SYNDIG1: variants seen among roughly 807,000 people sequenced by gnomAD.
SYNDIG1 encodes the protein synapse differentiation inducing 1.
In SYNDIG1, 9 loss-of-function variants were observed where a neutral mutation model predicts 19.4. The observed-to-expected ratio is 0.46, with a 90% confidence interval of 0.28 to 0.81. The LOEUF (loss-of-function observed/expected upper bound fraction) is 0.81. Among genes scored for constraint, SYNDIG1 ranks in the 30% least tolerant of loss-of-function variants. The pLI is 0.12. For missense variants in SYNDIG1, 311 were observed against 343.3 expected, an observed-to-expected ratio of 0.91 and a Z score of 0.74; for synonymous variants, 141 against 145.9, an observed-to-expected ratio of 0.97 and a Z score of 0.24.
intron 1 of SYNDIG1, among the ~76,000 whole-genome samples, chr20:24,504,200 C>T (rs1028675163): frequency 2.6e-5 from 4 of 152,122 alleles, no homozygotes; most frequent in East Asian, 1.9e-4. Context: ...CCTCGTGATC[C>T]GCCCGCCTCG....
intron 3 of SYNDIG1, among the ~76,000 whole-genome samples, chr20:24,625,575 A>C (rs993434491): frequency 6.6e-6 from 1 of 151,938 alleles, no homozygotes; most frequent in African/African-American, 2.4e-5. Context: ...CTTAACGAGC[A>C]TGCTGCCTTC....
intron 3 of SYNDIG1, among the ~76,000 whole-genome samples, chr20:24,637,087 C>T (rs373346148): frequency 3.9e-5 from 6 of 152,288 alleles, no homozygotes; most frequent in East Asian, 1.9e-4. Flanking sequence ...GGGCAGGGCC[C>T]GGGGAGGGCA....
intron 3 of SYNDIG1, among the ~76,000 whole-genome samples, chr20:24,602,667 C>T (rs1568676758): frequency 6.6e-6 from 1 of 152,150 alleles, no homozygotes; most frequent in Non-Finnish European, 1.5e-5. Context: ...CTCTCCCTGG[C>T]CTTGGCCTGA....
At chr20:24,583,283 G>A (rs891601484) in intron 2 of SYNDIG1, among the ~76,000 whole-genome samples, 3 of 152,198 alleles carry the variant, frequency 2.0e-5, no homozygotes, top group Non-Finnish European at 4.4e-5. Flanking sequence ...CTCACGGGGT[G>A]GGCCCACCTG....
At chr20:24,482,298 T>G (rs1322167353) in intron 1 of SYNDIG1, among the ~76,000 whole-genome samples, 1 of 152,162 alleles carries the variant, frequency 6.6e-6, no homozygotes, top group African/African-American at 2.4e-5. Flanking sequence ...CTGTCTCCCC[T>G]GACCTTGTGA....
At chr20:24,608,199 T>TG (rs535831358) in intron 3 of SYNDIG1, among the ~76,000 whole-genome samples, 84 of 152,046 alleles carry the variant, frequency 5.5e-4, no homozygotes, top group Middle Eastern at 3.4e-3. Context: ...TCCTATTTTT[T>TG]TTTTTTGAGA....
chr20:24,608,119 T>A (rs916553633), intron 3 of SYNDIG1, among the ~76,000 whole-genome samples: 10 of 152,168 alleles, frequency 6.6e-5, no homozygotes, highest in African/African-American at 2.4e-5. Context: ...ATATGATCTA[T>A]CAATGCTTTC....
intron 3 of SYNDIG1, among the ~76,000 whole-genome samples, chr20:24,588,871 T>C (rs1360917691): frequency 6.9e-6 from 1 of 144,502 alleles, no homozygotes; most frequent in African/African-American, 2.6e-5. Context: ...AAGCCAACAT[T>C]GGTGAGCAGT....
intron 3 of SYNDIG1, among the ~76,000 whole-genome samples, chr20:24,612,810 G>A (rs1600743079): frequency 6.6e-6 from 1 of 152,184 alleles, no homozygotes; most frequent in African/African-American, 2.4e-5. Flanking sequence ...AAACATCACT[G>A]CCAGTCACTC....
At chr20:24,647,476 T>C (rs924336702) in intron 3 of SYNDIG1, among the ~76,000 whole-genome samples, 2 of 152,002 alleles carry the variant, frequency 1.3e-5, no homozygotes, top group African/African-American at 4.8e-5. Flanking sequence ...AGCCAAACAC[T>C]TTCTTTGGGA....
intron 3 of SYNDIG1, among the ~76,000 whole-genome samples, chr20:24,595,839 T>C (rs991274124): frequency 6.6e-6 from 1 of 152,148 alleles, no homozygotes; most frequent in African/African-American, 2.4e-5. Flanking sequence ...ATTTGGACCT[T>C]CTCTCTTTTC....
chr20:24,487,985 A>T (rs2146287739), intron 1 of SYNDIG1, among the ~76,000 whole-genome samples: 1 of 152,352 alleles, frequency 6.6e-6, no homozygotes, highest in East Asian at 1.9e-4. Context: ...CAGTGACCCC[A>T]GGAGAGACCA....
chr20:24,605,820 C>T (rs953374619), intron 3 of SYNDIG1, among the ~76,000 whole-genome samples: 2 of 152,152 alleles, frequency 1.3e-5, no homozygotes, highest in African/African-American at 4.8e-5. Flanking sequence ...AAGCCTGTGA[C>T]GTGTGGGACC....
chr20:24,535,621 C>T (rs911685994), intron 1 of SYNDIG1, among the ~76,000 whole-genome samples: 2 of 151,238 alleles, frequency 1.3e-5, no homozygotes, highest in Non-Finnish European at 2.9e-5. Context: ...AAAGGTTTTT[C>T]ATGAAAAAAA....
chr20:24,500,175 G>A (rs1005494442), intron 1 of SYNDIG1, among the ~76,000 whole-genome samples: 2 of 152,126 alleles, frequency 1.3e-5, no homozygotes, highest in Non-Finnish European at 2.9e-5. Context: ...AGTCCTCTCG[G>A]TGATGGTGAT....
intron 2 of SYNDIG1, among the ~76,000 whole-genome samples, chr20:24,572,570 T>C (rs1175508418): frequency 6.6e-6 from 1 of 151,940 alleles, no homozygotes; most frequent in African/African-American, 2.4e-5. Flanking sequence ...TGGAGTAAGG[T>C]GGTTCTCATT....
chr20:24,644,707 T>C (rs962095231), intron 3 of SYNDIG1, among the ~76,000 whole-genome samples: 8 of 152,236 alleles, frequency 5.3e-5, no homozygotes, highest in Admixed American at 2.0e-4. Context: ...ACCAGCTATC[T>C]GAGAGAAGTT....
At chr20:24,517,621 A>G (rs995622307) in intron 1 of SYNDIG1, among the ~76,000 whole-genome samples, 6 of 144,938 alleles carry the variant, frequency 4.1e-5, no homozygotes, top group African/African-American at 1.5e-4. Context: ...TCTGTGTCAA[A>G]AAAAAAAAGT....
intron 3 of SYNDIG1, 72 bp downstream of exon 3, chr20:24,585,065 G>C (rs1472402207): frequency 2.0e-6 from 3 of 1,537,236 alleles, no homozygotes; most frequent in Non-Finnish European, 2.6e-6. Context: ...GGCAATCCCA[G>C]CCGAGGAGGA....
Sources: allele counts gnomAD v4.1 joint callset (sites outside exome capture counted in the v4.1 genomes callset), GRCh38; gene constraint gnomAD v4.1.1; transcripts MANE v1.5; gene names NCBI Gene and HGNC (gene_info 2026-07-23, HGNC 2026-07-21).